Variants in NMNAT3 observed in about 807,000 individuals in gnomAD.
NMNAT3 encodes nicotinamide nucleotide adenylyltransferase 3, also known as nicotinamide/nicotinic acid mononucleotide adenylyltransferase 3.
NMNAT3 carries 21 observed loss-of-function variants against 24.8 expected under a neutral mutation model. The ratio of observed to expected loss-of-function variants is 0.85; its 90% CI spans 0.60 to 1.22. The LOEUF (loss-of-function observed/expected upper bound fraction) is 1.22. NMNAT3 is among the 50% of genes most tolerant of loss of function. The probability of loss-of-function intolerance (pLI) is 0.00; values close to 1 mark genes in which losing one functional copy is unlikely to be tolerated. For synonymous variants in NMNAT3, 136 were observed against 155.2 expected (o/e 0.88, Z 0.92); for missense variants, 387 against 436.6 (o/e 0.89, Z 1.01).
intron 1 of NMNAT3, among the ~76,000 whole-genome samples, chr3:139,638,713 T>C (rs949139035): frequency 6.6e-6 from 1 of 152,192 alleles, no homozygotes; most frequent in Non-Finnish European, 1.5e-5. Context: ...CTAGCCTGTC[T>C]TTTTTCCAGT....
At chr3:139,669,613 A>T (rs1270670779) in intron 1 of NMNAT3, among the ~76,000 whole-genome samples, 1 of 152,098 alleles carries the variant, frequency 6.6e-6, no homozygotes, top group Non-Finnish European at 1.5e-5. Flanking sequence ...TAAATCTTTA[A>T]TTGGAGATGA....
intron 6 of NMNAT3, chr3:139,568,926 A>G (rs1490944727): frequency 6.6e-6 from 1 of 152,142 alleles, no homozygotes; most frequent in Non-Finnish European, 1.5e-5. Flanking sequence ...TGATCTGTCT[A>G]ATGTTGACAG....
chr3:139,650,079 T>C (rs7616794), intron 1 of NMNAT3, among the ~76,000 whole-genome samples: 14,168 of 152,124 alleles, frequency 0.093, 1,102 homozygotes, highest in East Asian at 0.23. Flanking sequence ...ACAGACTGCA[T>C]AGGGGCAGTG....
intron 1 of NMNAT3, among the ~76,000 whole-genome samples, chr3:139,674,005 C>T (rs1010335431): frequency 6.6e-6 from 1 of 151,814 alleles, no homozygotes; most frequent in Non-Finnish European, 1.5e-5. Context: ...TGCCGCTGCC[C>T]CAGGGATTCT....
chr3:139,641,878 A>G (rs1019554969), intron 1 of NMNAT3, among the ~76,000 whole-genome samples: 5 of 152,282 alleles, frequency 3.3e-5, no homozygotes, highest in African/African-American at 1.2e-4. Flanking sequence ...ATTTTGCTTC[A>G]GGGGATAAGA....
At chr3:139,583,971 T>C (rs945876428) in intron 3 of NMNAT3, 1 of 186,078 alleles carries the variant, frequency 5.4e-6, no homozygotes, top group African/African-American at 2.3e-5. Context: ...GTGACTTCTT[T>C]CTTTTTCCTT....
intron 5 of NMNAT3, chr3:139,575,940 C>G: frequency 7.8e-7 from 1 of 1,288,930 alleles, no homozygotes; most frequent in Non-Finnish European, 1.0e-6. Context: ...AGCTCCACGT[C>G]CTATTTGTGT....
rs935467334 is a variant in NMNAT3 at position 139,665,309 on chromosome 3, G to A, written c.-141+12396C>T. 3.9e-5 allele frequency among the ~76,000 whole-genome samples: 6 copies of A among 152,246 alleles called. 1 individual carries two copies. Among genetic ancestry groups the A allele is most frequent in the Admixed American group, 3.9e-4 (6 of 15,274 alleles). On this transcript the variant is annotated intron_variant, in intron 1 of 6. Transcript: ENST00000643695. Reference sequence around the variant, plus strand: ...GCAGTTACAGATGCAATAAGAGGAGGCGAAACACAGGCCCCTGAGACACCT... The same window carrying A: ...GCAGTTACAGATGCAATAAGAGGAGACGAAACACAGGCCCCTGAGACACCT...
chr3:139,607,867 T>C (rs1576632926), intron 3 of NMNAT3, among the ~76,000 whole-genome samples: 1 of 152,210 alleles, frequency 6.6e-6, no homozygotes, highest in Admixed American at 6.5e-5. Context: ...CCTTTTAAGA[T>C]TTATTTTCCC....
chr3:139,576,238 T>A, intron 5 of NMNAT3: 1 of 984,760 alleles, frequency 1.0e-6, no homozygotes, highest in Non-Finnish European at 1.2e-6. Context: ...ATTTTCAGTC[T>A]TAAAAAACTT....
intron 3 of NMNAT3, among the ~76,000 whole-genome samples, chr3:139,614,646 A>G (rs1010729027): frequency 6.6e-6 from 1 of 152,262 alleles, no homozygotes; most frequent in Non-Finnish European, 1.5e-5. Context: ...CAGAACCAGC[A>G]CAGAAGTTGG....
chr3:139,673,613 G>A (rs886272774), intron 1 of NMNAT3, among the ~76,000 whole-genome samples: 2 of 152,024 alleles, frequency 1.3e-5, no homozygotes, highest in Non-Finnish European at 2.9e-5. Context: ...CCTCCTTCAG[G>A]AGAGTTAAGC....
chr3:139,653,989 C>G lies in NMNAT3; in HGVS notation c.-140-15927G>C, dbSNP rs537273259. 1.1e-3 allele frequency among the ~76,000 whole-genome samples: 169 copies of G among 152,300 alleles called. 2 individuals are homozygous for G. The highest frequency in any genetic ancestry group is 3.9e-3 in the African/African-American group (161 of 41,566). ...CCTCTGACCAGCGCTTCTGCTCCCC[C>G]CTCTTGTCCCTCAGTGTCCAGGAGC... On this transcript the variant is annotated intron_variant, in intron 1 of 6. Transcript: ENST00000643695.
Position 139,596,162 on chromosome 3 carries a change from A to C in NMNAT3, c.110-12954T>G, listed in dbSNP as rs756449252. ...GAGTCAGCCTTTTCCAGAAAGGTCT[A>C]TCTGTCCCTTATGGGCTGCTGGGTG... On this transcript the variant is annotated intron_variant, in intron 3 of 6. Coordinates refer to ENST00000643695, the MANE Select transcript of NMNAT3 (RefSeq NM_001320510.2). 2.0e-5 allele frequency among the ~76,000 whole-genome samples: 3 copies of C among 152,254 alleles called. No homozygotes were observed. In the East Asian group the frequency reaches 5.8e-4, roughly 29 times the overall value.
chr3:139,665,499 G>A (rs1377283764), intron 1 of NMNAT3, among the ~76,000 whole-genome samples: 2 of 152,162 alleles, frequency 1.3e-5, no homozygotes, highest in African/African-American at 2.4e-5. Context: ...CATGGTAAGT[G>A]CCATGATGGA....
At chr3:139,638,401 T>C (rs2056582414) in intron 1 of NMNAT3, among the ~76,000 whole-genome samples, 1 of 152,176 alleles carries the variant, frequency 6.6e-6, no homozygotes, top group Non-Finnish European at 1.5e-5. Context: ...AGTCTAACAG[T>C]GGGCAATATG....
intron 3 of NMNAT3, among the ~76,000 whole-genome samples, chr3:139,589,449 G>A (rs531372493): frequency 1.3e-5 from 2 of 152,270 alleles, no homozygotes; most frequent in African/African-American, 4.8e-5. Context: ...AAAACCAGAG[G>A]TTTAACATAC....
chr3:139,613,965 C>T (rs996055674), intron 3 of NMNAT3, among the ~76,000 whole-genome samples: 22 of 151,012 alleles, frequency 1.5e-4, no homozygotes, highest in Non-Finnish European at 3.1e-4. Context: ...GGAAGGGGAA[C>T]ATCACACACC....
intron 1 of NMNAT3, among the ~76,000 whole-genome samples, chr3:139,662,904 A>G (rs1217841137): frequency 6.6e-6 from 1 of 152,084 alleles, no homozygotes; most frequent in Non-Finnish European, 1.5e-5. Context: ...TTTCTGGGTA[A>G]TTTTCAGACA....
Sources: gnomAD v4.1 joint callset for allele counts (sites outside exome capture counted in the v4.1 genomes callset) on GRCh38, gnomAD v4.1.1 for gene constraint, MANE v1.5 for transcripts, NCBI Gene and HGNC (gene_info 2026-07-23, HGNC 2026-07-21) for gene names.